Variants in DOCK5 observed in about 807,000 individuals in gnomAD.
DOCK5 encodes dedicator of cytokinesis protein 5.
DOCK5 carries 142 observed loss-of-function variants against 251.8 expected under a neutral mutation model. That is an observed-to-expected ratio of 0.56 (90% CI 0.49 to 0.65). The LOEUF (loss-of-function observed/expected upper bound fraction) is 0.65. Ranked by LOEUF, DOCK5 falls within the 30% of genes least tolerant of loss-of-function variation. The pLI is 0.00. For missense variants in DOCK5, 2,111 were observed against 2,312.3 expected, an observed-to-expected ratio of 0.91 and a Z score of 1.79; for synonymous variants, 842 against 835.5, an observed-to-expected ratio of 1.01 and a Z score of -0.13.
At chr8:25,265,285 C>T (rs1186145593) in intron 2 of DOCK5, among the ~76,000 whole-genome samples, 6 of 151,936 alleles carry the variant, frequency 3.9e-5, no homozygotes, top group African/African-American at 1.5e-4. Flanking sequence ...CACGGGTGCC[C>T]AGGGTTGAGA....
chr8:25,410,940 TGTGTGTGTG>T (rs1373795738), intron 51 of DOCK5, among the ~76,000 whole-genome samples: 2 of 38,010 alleles, frequency 5.3e-5, no homozygotes, highest in South Asian at 8.6e-4. Flanking sequence ...AGAGAGAAAA[TGTGTGTGTG>T]TGTGTGTGTG....
chr8:25,383,096 T>A (rs1436710714), intron 40 of DOCK5, among the ~76,000 whole-genome samples: 1 of 152,224 alleles, frequency 6.6e-6, no homozygotes, highest in African/African-American at 2.4e-5. Flanking sequence ...TTGTTTACCA[T>A]GTTTCTAGCC....
chr8:25,284,710 G>A (rs1004612669), intron 5 of DOCK5, among the ~76,000 whole-genome samples: 2 of 152,202 alleles, frequency 1.3e-5, no homozygotes, highest in Admixed American at 6.5e-5. Flanking sequence ...ACTTAGACAC[G>A]GTCGGATTCG....
intron 2 of DOCK5, among the ~76,000 whole-genome samples, chr8:25,247,808 A>G (rs1803156065): frequency 6.6e-6 from 1 of 152,170 alleles, no homozygotes; most frequent in Non-Finnish European, 1.5e-5. Context: ...CTTCTAGTAT[A>G]TTACAGCTCA....
At chr8:25,405,220 T>C (rs892487957) in intron 48 of DOCK5, among the ~76,000 whole-genome samples, 2 of 152,082 alleles carry the variant, frequency 1.3e-5, no homozygotes, top group Non-Finnish European at 2.9e-5. Context: ...TTCTGGGTTT[T>C]ATTTCACAAT....
chr8:25,341,063 A>G (rs1586343850), intron 23 of DOCK5, 75 bp downstream of exon 23: 1 of 1,057,180 alleles, frequency 9.5e-7, no homozygotes, highest in Non-Finnish European at 1.4e-6. Context: ...AGAATTGGCC[A>G]TCATGAGGGA....
At chr8:25,272,504 G>A (rs1803938402) in intron 3 of DOCK5, among the ~76,000 whole-genome samples, 1 of 152,170 alleles carries the variant, frequency 6.6e-6, no homozygotes, top group Non-Finnish European at 1.5e-5. Context: ...GTGAATGCAT[G>A]AAAATTTTAA....
intron 40 of DOCK5, among the ~76,000 whole-genome samples, chr8:25,383,753 G>A (rs377455635): frequency 3.9e-5 from 6 of 152,232 alleles, no homozygotes; most frequent in African/African-American, 1.2e-4. Context: ...TACTCAGGAG[G>A]CTGAGGCAGG....
chr8:25,408,194 TG>T, intron 49 of DOCK5, 40 bp downstream of exon 49: 2 of 1,536,122 alleles, frequency 1.3e-6, no homozygotes, highest in East Asian at 4.9e-5. Flanking sequence ...TCTGGAGGCT[TG>T]CCCCCCTCTC....
chr8:25,341,954 G>T (rs1805966029), intron 24 of DOCK5, 145 bp downstream of exon 24: 2 of 695,470 alleles, frequency 2.9e-6, no homozygotes, highest in Non-Finnish European at 4.7e-6. Context: ...TGTGGAAGAT[G>T]CAAAAGAACA....
chr8:25,392,214 GA>G (rs1298764193), intron 43 of DOCK5, among the ~76,000 whole-genome samples: 1 of 150,998 alleles, frequency 6.6e-6, no homozygotes, highest in African/African-American at 2.4e-5. Flanking sequence ...TGAGGCACGA[GA>G]ATTGCTTAAA....
chr8:25,243,778 G>A, intron 2 of DOCK5, 21 bp downstream of exon 2: 1 of 1,610,928 alleles, frequency 6.2e-7, no homozygotes, highest in East Asian at 2.2e-5. Flanking sequence ...CTGGCCTTCT[G>A]CCAGATGAGG....
intron 17 of DOCK5, 126 bp downstream of exon 17, chr8:25,324,077 T>C: frequency 9.1e-7 from 1 of 1,097,980 alleles, no homozygotes; most frequent in Non-Finnish European, 1.3e-6. Flanking sequence ...CCCATTAACA[T>C]CTAGAAACCC....
At chr8:25,359,203 AAGG>A (rs1207900797) in intron 28 of DOCK5, 142 bp downstream of exon 28, 4 of 701,872 alleles carry the variant, frequency 5.7e-6, no homozygotes, top group Non-Finnish European at 1.0e-5. Context: ...TGATTACAGA[AAGG>A]AGAGAGCTGA....
intron 8 of DOCK5, 96 bp from the exon 9 acceptor site, chr8:25,300,480 C>T (rs1804733397): frequency 2.7e-6 from 3 of 1,096,210 alleles, no homozygotes; most frequent in African/African-American, 1.6e-5. Context: ...GCATTTCTGG[C>T]CTTTCCTCCT....
At chr8:25,281,011 G>A (rs1804174387) in intron 5 of DOCK5, among the ~76,000 whole-genome samples, 1 of 150,828 alleles carries the variant, frequency 6.6e-6, no homozygotes, top group Non-Finnish European at 1.5e-5. Flanking sequence ...AGACTGGAGA[G>A]TATGAGTGAG....
rs75706085 is a variant in DOCK5 at position 25,339,093 on chromosome 8, G to A, written c.2328-1784G>A. ...GCTGGGGAAGAGACTGGCAATGTGC[G>A]TCCCCTGGTTGCTTAGATTTAATGG... On this transcript the variant is annotated intron_variant, in intron 22 of 51. Transcript: ENST00000276440. Among the ~76,000 whole-genome samples, 600 of 152,176 alleles carry A rather than the reference G, an allele frequency of 3.9e-3. 9 individuals carry two copies. The highest frequency in any genetic ancestry group is 0.014 in the African/African-American group (568 of 41,528).
chr8:25,331,743 T>A (rs2117216569), intron 18 of DOCK5, among the ~76,000 whole-genome samples: 1 of 147,600 alleles, frequency 6.8e-6, no homozygotes, highest in African/African-American at 2.5e-5. Context: ...ATGAAAAAAA[T>A]AAAATCTGTG....
At chr8:25,261,725 T>G (rs1803587080) in intron 2 of DOCK5, among the ~76,000 whole-genome samples, 1 of 152,200 alleles carries the variant, frequency 6.6e-6, no homozygotes, top group Non-Finnish European at 1.5e-5. Context: ...AAAACACATT[T>G]CCCTTACCCC....
Sources: gnomAD v4.1 joint callset for allele counts (sites outside exome capture counted in the v4.1 genomes callset) on GRCh38, gnomAD v4.1.1 for gene constraint, MANE v1.5 for transcripts, NCBI Gene and HGNC (gene_info 2026-07-23, HGNC 2026-07-21) for gene names.